Variants in UGT1A10 observed in about 807,000 individuals in gnomAD.
The protein encoded by UGT1A10 is UDP glucuronosyltransferase family 1 member A10.
In UGT1A10, 49 loss-of-function variants were observed where a neutral mutation model predicts 45.8. That is an observed-to-expected ratio of 1.07 (90% CI 0.85 to 1.36). UGT1A10 has a LOEUF of 1.36. UGT1A10 is among the 40% of genes most tolerant of loss of function. The pLI, the probability that UGT1A10 is intolerant of heterozygous loss-of-function variation, is 0.00. For synonymous variants in UGT1A10, 284 were observed against 249.7 expected (o/e 1.14, Z -1.29); for missense variants, 745 against 668.6 (o/e 1.11, Z -1.26).
In UGT1A10 at chr2:233,772,286, C is replaced by T. The variant is rs1559419792; in HGVS notation, c.1320C>T (p.Leu440=). ...DKSYKENIMR[L]SSLHKDRPVE... ...GTTACAAGGAGAACATCATGCGCCT[C>T]TCCAGCCTTCACAAGGACCGCCCGG... The change falls in exon 5 of 5, where the codon CTC becomes CTT. Residue 440 remains leucine, a synonymous_variant. Transcript: ENST00000344644. 1 of 1,614,248 alleles carries T rather than the reference C, an allele frequency of 6.2e-7. No homozygotes were observed. The highest frequency in any genetic ancestry group is 8.5e-7 in the Non-Finnish European group (1 of 1,180,054).
At chr2:233,658,581 C>T (rs755085455) in intron 1 of UGT1A10, among the ~76,000 whole-genome samples, 6 of 152,058 alleles carry the variant, frequency 3.9e-5, no homozygotes, top group Non-Finnish European at 7.4e-5. Flanking sequence ...CAGTTCTGGT[C>T]GGATGTTCTG....
At chr2:233,730,044 A>T (rs2361501) in intron 1 of UGT1A10, 750,246 of 1,611,504 alleles carry the variant, frequency 0.47, 182,645 homozygotes, top group African/African-American at 0.81. Flanking sequence ...AACACTTTTT[A>T]AAAAAATGTA....
At position 233,636,960 on chromosome 2, in the gene UGT1A10, T is replaced by G. The variant is rs377128796; in HGVS notation, c.438T>G (p.Phe146Leu). 110 of 1,614,068 alleles carry G rather than the reference T, an allele frequency of 6.8e-5. No homozygotes were observed. The highest frequency in any genetic ancestry group is 8.4e-5 in the Non-Finnish European group (99 of 1,180,036). Residue 146 changes from phenylalanine to leucine, a missense_variant, in exon 1 of 5, where the codon TTT becomes TTG. Coordinates refer to ENST00000344644, the MANE Select transcript of UGT1A10 (RefSeq NM_019075.4). Reference protein sequence around the residue: ...YLKESSFDAVFLDPFDTCGLI... With the variant: ...YLKESSFDAVLLDPFDTCGLI... ...AGGAGAGTTCTTTTGATGCAGTGTT[T>G]CTGGATCCTTTTGATACCTGTGGCT...
Position 233,661,793 on chromosome 2 carries a change from A to G in UGT1A10, c.855+24416A>G, listed in dbSNP as rs938776438. ...CAAGCAATTCAACTTTTCTTGTAAT[A>G]TCATGAATTTCTCTGCTTCATGGGA... On this transcript the variant is annotated intron_variant, in intron 1 of 4. Coordinates refer to ENST00000344644, the MANE Select transcript of UGT1A10 (RefSeq NM_019075.4). Among the ~76,000 whole-genome samples the G allele has an allele frequency of 2.6e-5, 4 of 151,184 alleles. No homozygotes were observed. In the East Asian group the frequency reaches 7.8e-4, roughly 29 times the overall value.
At position 233,772,427 on chromosome 2, in the gene UGT1A10, C is replaced by A; in HGVS notation, c.1461C>A (p.Asp487Glu). The A allele has an allele frequency of 1.2e-6, 2 of 1,614,222 alleles. No individual in the cohort carries two copies. The highest frequency in any genetic ancestry group is 1.7e-6 in the Non-Finnish European group (2 of 1,180,048). ...CCTGGTACCAGTACCATTCCTTGGA[C>A]GTGATTGGTTTCCTCTTGGCCGTCG... is the stretch of plus-strand genomic sequence containing the variant. ...DLTWYQYHSL[D>E]VIGFLLAVVL... Residue 487 changes from aspartate to glutamate, a missense_variant, in exon 5 of 5, where the codon GAC becomes GAA. Physicochemically the swap from Asp to Glu is conservative, Grantham distance 45 (BLOSUM62 2). Transcript: ENST00000344644.
intron 1 of UGT1A10, 105 bp from the exon 2 acceptor site, chr2:233,766,928 CT>C: frequency 6.3e-7 from 1 of 1,578,028 alleles, no homozygotes; most frequent in Non-Finnish European, 8.6e-7. Flanking sequence ...ACACGCATGC[CT>C]TTAATCATAG....
intron 1 of UGT1A10, among the ~76,000 whole-genome samples, chr2:233,700,278 T>G (rs2075554509): frequency 6.6e-6 from 1 of 152,242 alleles, no homozygotes; most frequent in African/African-American, 2.4e-5. Flanking sequence ...AGGCACTTTT[T>G]AAAATACGTG....
intron 1 of UGT1A10, among the ~76,000 whole-genome samples, chr2:233,640,866 GC>G (rs778614519): frequency 6.6e-6 from 1 of 152,152 alleles, no homozygotes; most frequent in Non-Finnish European, 1.5e-5. Flanking sequence ...GAAATGTGGA[GC>G]CCTAATTAGG....
intron 1 of UGT1A10, among the ~76,000 whole-genome samples, chr2:233,737,837 G>A (rs2125811418): frequency 6.6e-6 from 1 of 152,130 alleles, no homozygotes; most frequent in South Asian, 2.1e-4. Flanking sequence ...GGGAACTGTG[G>A]CACAGGTCAC....
intron 1 of UGT1A10, chr2:233,755,168 T>C (rs1695794635): frequency 1.6e-6 from 2 of 1,266,444 alleles, no homozygotes; most frequent in Non-Finnish European, 1.1e-6. Flanking sequence ...CCTCGGGGTT[T>C]TTGTCGGGGT....
At chr2:233,683,971 C>A (rs1245764667) in intron 1 of UGT1A10, among the ~76,000 whole-genome samples, 1 of 152,146 alleles carries the variant, frequency 6.6e-6, no homozygotes, top group African/African-American at 2.4e-5. Flanking sequence ...GATTTGGTCA[C>A]TTGCAATTGA....
In UGT1A10 at chr2:233,637,242, G is replaced by T. The variant is rs764425310; in HGVS notation, c.720G>T (p.Thr240=). 4 of 1,613,822 alleles carry T rather than the reference G, an allele frequency of 2.5e-6. No homozygotes were observed. Among genetic ancestry groups the T allele is most frequent in the Non-Finnish European group, 3.4e-6 (4 of 1,179,834 alleles). Reference sequence around the variant, plus strand: ...CTGAAATTCTCCAAACCCCTGTCACGGCATATGATCTCTACAGTCACACAT... The same window carrying T: ...CTGAAATTCTCCAAACCCCTGTCACTGCATATGATCTCTACAGTCACACAT... ...IASEILQTPV[T]AYDLYSHTSI... is the part of the protein sequence containing the mutation. Residue 240 remains threonine (T), a synonymous_variant, in exon 1 of 5, where the codon ACG becomes ACT. Coordinates refer to ENST00000344644, the MANE Select transcript of UGT1A10 (RefSeq NM_019075.4).
chr2:233,661,806 C>G (rs1316365370), intron 1 of UGT1A10, among the ~76,000 whole-genome samples: 1 of 151,186 alleles, frequency 6.6e-6, no homozygotes, highest in African/African-American at 2.4e-5. Flanking sequence ...ATGAATTTCT[C>G]TGCTTCATGG....
At chr2:233,751,464 G>A (rs575888468) in intron 1 of UGT1A10, among the ~76,000 whole-genome samples, 3 of 152,310 alleles carry the variant, frequency 2.0e-5, no homozygotes, top group East Asian at 1.9e-4. Flanking sequence ...GGGAAGGCAC[G>A]ATTGGTTTTG....
chr2:233,639,797 T>C (rs55834830), intron 1 of UGT1A10, among the ~76,000 whole-genome samples: 3 of 152,220 alleles, frequency 2.0e-5, no homozygotes, highest in African/African-American at 7.2e-5. Flanking sequence ...GGGGACAAAC[T>C]TTTAAACTAT....
At position 233,729,598 on chromosome 2, in the gene UGT1A10, G is replaced by A. The variant is rs775320084; in HGVS notation, c.856-37436G>A. The A allele has an allele frequency of 6.8e-5, 109 of 1,613,866 alleles. No homozygotes were observed. Among genetic ancestry groups the A allele is most frequent in the East Asian group, 3.1e-4 (14 of 44,894 alleles). ...TTTAACAGACCCCGTTAACCTCTGC[G>A]CGGCAGTGCTGGCTAAGTACCTGTC... On this transcript the variant is annotated intron_variant, in intron 1 of 4. Transcript: ENST00000344644.
At chr2:233,693,237 A>G in intron 1 of UGT1A10, 2 of 1,614,188 alleles carry the variant, frequency 1.2e-6, no homozygotes, top group Non-Finnish European at 1.7e-6. Flanking sequence ...AGAAAAATCT[A>G]TCCAGTGCCG....
At chr2:233,637,608 A>G (rs1162799194) in intron 1 of UGT1A10, among the ~76,000 whole-genome samples, 3 of 152,350 alleles carry the variant, frequency 2.0e-5, no homozygotes, top group East Asian at 1.9e-4. Flanking sequence ...TATTCAGGCT[A>G]CATTTTAAAA....
At chr2:233,658,781 C>T (rs28969994) in intron 1 of UGT1A10, among the ~76,000 whole-genome samples, 2,422 of 152,304 alleles carry the variant, frequency 0.016, 58 homozygotes, top group African/African-American at 0.055. Flanking sequence ...CTTGGTTGTT[C>T]ATACTGCTAA....
Sources: gnomAD v4.1 joint callset for allele counts (sites outside exome capture counted in the v4.1 genomes callset) on GRCh38, gnomAD v4.1.1 for gene constraint, MANE v1.5 for transcripts, NCBI Gene and HGNC (gene_info 2026-07-23, HGNC 2026-07-21) for gene names.